The following SLC16A7 variants were observed in gnomAD, a reference collection of about 807,000 sequenced individuals.
The protein encoded by SLC16A7 is monocarboxylate transporter 2.
A neutral mutation model predicts 34.9 loss-of-function variants in SLC16A7; 33 were observed. The ratio of observed to expected loss-of-function variants is 0.94; its 90% CI spans 0.72 to 1.26. The LOEUF is 1.26. Among genes scored for constraint, SLC16A7 ranks in the 50% most tolerant of loss-of-function variants. The pLI, the probability that SLC16A7 is intolerant of heterozygous loss-of-function variation, is 0.00. For missense variants in SLC16A7, 573 were observed against 578.1 expected, an observed-to-expected ratio of 0.99 and a Z score of 0.09; for synonymous variants, 201 against 206.6, an observed-to-expected ratio of 0.97 and a Z score of 0.23.
At chr12:59,673,542 C>T (rs1870063899) in intron 2 of SLC16A7, among the ~76,000 whole-genome samples, 1 of 149,944 alleles carries the variant, frequency 6.7e-6, no homozygotes, top group Admixed American at 6.7e-5. Flanking sequence ...TAAAATATTT[C>T]ACATGAGCAC....
intron 3 of SLC16A7, among the ~76,000 whole-genome samples, chr12:59,765,326 C>G (rs1480321146): frequency 6.6e-6 from 1 of 152,162 alleles, no homozygotes; most frequent in Admixed American, 6.6e-5. Flanking sequence ...TGCAGAAGCT[C>G]TTTAGTTTAA....
At chr12:59,602,620 A>G (rs1878741583) in intron 1 of SLC16A7, among the ~76,000 whole-genome samples, 1 of 150,754 alleles carries the variant, frequency 6.6e-6, no homozygotes, top group African/African-American at 2.4e-5. Flanking sequence ...AGTAGCTGGG[A>G]CTATAGGCGC....
intron 1 of SLC16A7, among the ~76,000 whole-genome samples, chr12:59,603,502 G>A (rs921964442): frequency 1.3e-5 from 2 of 152,082 alleles, no homozygotes; most frequent in African/African-American, 4.8e-5. Flanking sequence ...ACGATTTCTA[G>A]CTCTAACCTC....
intron 2 of SLC16A7, among the ~76,000 whole-genome samples, chr12:59,680,726 G>A (rs1259177980): frequency 6.6e-6 from 1 of 151,664 alleles, no homozygotes; most frequent in Non-Finnish European, 1.5e-5. Context: ...TGTAGCCACT[G>A]TGCTTGACAA....
intron 2 of SLC16A7, among the ~76,000 whole-genome samples, chr12:59,682,837 A>C (rs762706091): frequency 6.6e-6 from 1 of 152,278 alleles, no homozygotes; most frequent in East Asian, 1.9e-4. Context: ...TGGGAGGCCA[A>C]GGTGGGATCA....
chr12:59,666,508 C>T (rs1477424798), intron 2 of SLC16A7, among the ~76,000 whole-genome samples: 1 of 152,154 alleles, frequency 6.6e-6, no homozygotes, highest in African/African-American at 2.4e-5. Flanking sequence ...CCATAATCCC[C>T]ACCTGTTGTG....
rs1592371581 is a variant in SLC16A7 at position 59,596,079 on chromosome 12, C to T, written c.-287C>T. 6.6e-6 allele frequency: 1 copy of T among 152,128 alleles called. No homozygotes were observed. The highest frequency in any genetic ancestry group is 2.0e-4 in the East Asian group (1 of 5,110). 9.4% of individuals were successfully genotyped at this position (152,128 alleles called of 1,614,324 possible). On this transcript the variant is annotated 5_prime_UTR_variant, in exon 1 of 6. Transcript: ENST00000547379. The surrounding 1 kb of genome is among the most constrained non-coding windows in gnomAD (Gnocchi z 5.0). ...CAGCAGCCGCGCCTCCCCTTCCCGC[C>T]ACCGCCTCCTTCTCCGCTGGCTGTG... is the stretch of plus-strand genomic sequence containing the variant.
chr12:59,733,301 A>T (rs1243905135), intron 3 of SLC16A7, among the ~76,000 whole-genome samples: 1 of 152,180 alleles, frequency 6.6e-6, no homozygotes, highest in African/African-American at 2.4e-5. Context: ...AGCAAGGTGC[A>T]AAGCGGCGAG....
chr12:59,771,342 T>G lies in SLC16A7; in HGVS notation c.341T>G (p.Leu114Arg). The change falls in exon 4 of 6, where the codon CTC becomes CGC. Residue 114 changes from leucine to arginine, a missense_variant. Transcript: ENST00000547379. ...SFSSSVVQLY[L>R]TMGFITGLGL... ...AGTAGCAGCGTGGTACAGCTGTACC[T>G]CACTATGGGATTCATTACAGGTAAG... 1 of 1,607,688 alleles carries G rather than the reference T, an allele frequency of 6.2e-7. No individual in the cohort carries two copies. The highest frequency in any genetic ancestry group is 8.5e-7 in the Non-Finnish European group (1 of 1,176,778).
chr12:59,748,947 G>A (rs1879197017), intron 3 of SLC16A7, among the ~76,000 whole-genome samples: 1 of 152,094 alleles, frequency 6.6e-6, no homozygotes, highest in African/African-American at 2.4e-5. Flanking sequence ...TAGAGATTTG[G>A]CTTTAAAAAA....
intron 1 of SLC16A7, among the ~76,000 whole-genome samples, chr12:59,637,190 G>A (rs550692101): frequency 2.6e-5 from 4 of 152,144 alleles, no homozygotes; most frequent in African/African-American, 9.6e-5. Context: ...CACATTGAAA[G>A]GGAAAGAAAC....
chr12:59,612,436 AT>A (rs894060115), intron 1 of SLC16A7, among the ~76,000 whole-genome samples: 2 of 151,830 alleles, frequency 1.3e-5, no homozygotes, highest in African/African-American at 4.8e-5. Flanking sequence ...CCACAGAACC[AT>A]TTTTCCCTCC....
chr12:59,753,934 A>G (rs1375534860), intron 3 of SLC16A7, among the ~76,000 whole-genome samples: 3 of 152,202 alleles, frequency 2.0e-5, no homozygotes, highest in Admixed American at 2.0e-4. Context: ...ATCAAACTAG[A>G]ACTCAGGATT....
intron 3 of SLC16A7, among the ~76,000 whole-genome samples, chr12:59,725,338 A>G (rs1211753159): frequency 1.3e-5 from 2 of 152,024 alleles, no homozygotes; most frequent in African/African-American, 4.8e-5. Flanking sequence ...ACAGATTAAG[A>G]AAGTTAGGAG....
intron 3 of SLC16A7, among the ~76,000 whole-genome samples, chr12:59,728,788 C>A (rs1328925997): frequency 6.6e-6 from 1 of 152,150 alleles, no homozygotes; most frequent in African/African-American, 2.4e-5. Flanking sequence ...TTATGTGACA[C>A]CTATGGGATG....
At chr12:59,754,532 G>C (rs1420942957) in intron 3 of SLC16A7, among the ~76,000 whole-genome samples, 5 of 151,314 alleles carry the variant, frequency 3.3e-5, no homozygotes, top group Non-Finnish European at 7.4e-5. Context: ...TCCTCGACAC[G>C]TACACCCTCC....
At chr12:59,738,166 A>G (rs1322240977) in intron 3 of SLC16A7, among the ~76,000 whole-genome samples, 2 of 152,192 alleles carry the variant, frequency 1.3e-5, no homozygotes, top group African/African-American at 4.8e-5. Context: ...CCCAGCACGT[A>G]TACCACATTG....
chr12:59,738,101 AT>A (rs777257306), intron 3 of SLC16A7, among the ~76,000 whole-genome samples: 28 of 152,180 alleles, frequency 1.8e-4, no homozygotes, highest in Non-Finnish European at 3.8e-4. Context: ...TATTGTACTT[AT>A]AAAAAATGTA....
intron 3 of SLC16A7, among the ~76,000 whole-genome samples, chr12:59,743,713 G>C (rs1010958356): frequency 2.6e-5 from 4 of 152,094 alleles, no homozygotes; most frequent in Admixed American, 6.5e-5. Flanking sequence ...GTGTACAATT[G>C]ATACATAAAT....
Sources: gnomAD v4.1 joint callset for allele counts (sites outside exome capture counted in the v4.1 genomes callset) on GRCh38, gnomAD v4.1.1 for gene constraint, Gnocchi (gnomAD v3.1) non-coding constraint, MANE v1.5 for transcripts, NCBI Gene and HGNC (gene_info 2026-07-23, HGNC 2026-07-21) for gene names.